Variants in GRIN2A observed in about 807,000 individuals in gnomAD.
GRIN2A encodes glutamate ionotropic receptor NMDA type subunit 2A.
In GRIN2A, 22 loss-of-function variants were observed where a neutral mutation model predicts 113.4. The ratio of observed to expected loss-of-function variants is 0.19; its 90% CI spans 0.14 to 0.28. The LOEUF is 0.28. GRIN2A is among the 10% of genes least tolerant of loss of function. The pLI is 1.00. For missense variants in GRIN2A, 1,502 were observed against 1,887.0 expected, an observed-to-expected ratio of 0.80 and a Z score of 3.78; for synonymous variants, 827 against 738.4, an observed-to-expected ratio of 1.12 and a Z score of -1.94.
At chr16:9,854,352 G>A (rs1037218821) in intron 4 of GRIN2A, among the ~76,000 whole-genome samples, 6 of 151,548 alleles carry the variant, frequency 4.0e-5, no homozygotes, top group Admixed American at 1.3e-4. Context: ...AATTTCCCCA[G>A]AGAAAGCAAA....
chr16:9,779,940 A>G (rs546320763), intron 11 of GRIN2A, among the ~76,000 whole-genome samples: 2 of 152,332 alleles, frequency 1.3e-5, no homozygotes, highest in South Asian at 4.1e-4. Flanking sequence ...CCCCCATTGT[A>G]CTGACATTAA....
intron 11 of GRIN2A, among the ~76,000 whole-genome samples, chr16:9,796,882 T>G (rs1167581208): frequency 2.0e-5 from 3 of 152,196 alleles, no homozygotes; most frequent in African/African-American, 4.8e-5. Flanking sequence ...CCACAAATCA[T>G]TATTACACAG....
chr16:10,105,333 C>G (rs1244969018), intron 2 of GRIN2A, among the ~76,000 whole-genome samples: 2 of 152,180 alleles, frequency 1.3e-5, no homozygotes, highest in Non-Finnish European at 1.5e-5. Context: ...CTGTGTCTTT[C>G]TGCAGACACA....
At chr16:9,887,451 G>A (rs2043607092) in intron 4 of GRIN2A, among the ~76,000 whole-genome samples, 2 of 152,176 alleles carry the variant, frequency 1.3e-5, no homozygotes, top group South Asian at 2.1e-4. Context: ...ATGTCTTCAC[G>A]TAATATAATC....
At chr16:10,000,010 G>A (rs2046293300) in intron 2 of GRIN2A, among the ~76,000 whole-genome samples, 1 of 152,054 alleles carries the variant, frequency 6.6e-6, no homozygotes, top group Admixed American at 6.6e-5. Flanking sequence ...GGGAGTTCCT[G>A]CATTCCTCCC....
At chr16:10,034,594 G>C (rs998915055) in intron 2 of GRIN2A, among the ~76,000 whole-genome samples, 5 of 140,438 alleles carry the variant, frequency 3.6e-5, no homozygotes, top group Non-Finnish European at 6.1e-5. Flanking sequence ...GCCACACTTT[G>C]AGAAGGATGT....
At chr16:10,015,290 G>GAA (rs1567235202) in intron 2 of GRIN2A, among the ~76,000 whole-genome samples, 7 of 81,394 alleles carry the variant, frequency 8.6e-5, no homozygotes, top group African/African-American at 1.4e-4. Context: ...AAAAGAAAAA[G>GAA]AAAGGAAAGG....
Position 10,132,598 on chromosome 16 carries a change from G to A in GRIN2A, c.414+47400C>T, listed in dbSNP as rs184677566. Among the ~76,000 whole-genome samples the A allele has an allele frequency of 3.9e-5, 6 of 152,174 alleles. No individual in the cohort carries two copies. In the East Asian group the frequency reaches 7.7e-4, roughly 20 times the overall value. On this transcript the variant is annotated intron_variant, in intron 2 of 12. Transcript: ENST00000330684. Reference sequence around the variant, plus strand: ...TAGTCCATAGGCATTGGAATCATTCGGGCATGGGGTTAAATCCCAGAGCCA... The same window carrying A: ...TAGTCCATAGGCATTGGAATCATTCAGGCATGGGGTTAAATCCCAGAGCCA...
At chr16:9,936,761 G>C (rs893802709) in intron 3 of GRIN2A, among the ~76,000 whole-genome samples, 1 of 152,130 alleles carries the variant, frequency 6.6e-6, no homozygotes, top group South Asian at 2.1e-4. Flanking sequence ...AAAATACTTA[G>C]AATATAAGAA....
At chr16:10,181,093 T>G (rs1320049992) in intron 1 of GRIN2A, among the ~76,000 whole-genome samples, 1 of 150,536 alleles carries the variant, frequency 6.6e-6, no homozygotes, top group Non-Finnish European at 1.5e-5. Flanking sequence ...CGCTGCCTGG[T>G]GGGCCCAGGC....
At chr16:10,176,036 A>G (rs1358673950) in intron 2 of GRIN2A, among the ~76,000 whole-genome samples, 2 of 130,858 alleles carry the variant, frequency 1.5e-5, no homozygotes, top group Non-Finnish European at 3.1e-5. Context: ...ACAAAGTCTC[A>G]CTCTGTCACC....
At chr16:9,832,258 C>T (rs1010348688) in intron 8 of GRIN2A, among the ~76,000 whole-genome samples, 1 of 152,004 alleles carries the variant, frequency 6.6e-6, no homozygotes, top group Non-Finnish European at 1.5e-5. Flanking sequence ...ACCCCCTCAG[C>T]CTTTTTCTGT....
intron 2 of GRIN2A, among the ~76,000 whole-genome samples, chr16:10,120,024 A>C (rs1210318640): frequency 6.6e-6 from 1 of 152,150 alleles, no homozygotes; most frequent in Non-Finnish European, 1.5e-5. Context: ...TGCTATTGTG[A>C]ATAGGGCTGC....
intron 2 of GRIN2A, chr16:9,943,175 T>C (rs1027516813): frequency 6.6e-5 from 10 of 152,238 alleles, no homozygotes; most frequent in African/African-American, 2.4e-4. Context: ...ATTCTACATA[T>C]CAGCCTCTGA....
At chr16:9,918,426 C>T (rs1022965908) in intron 3 of GRIN2A, among the ~76,000 whole-genome samples, 2 of 152,070 alleles carry the variant, frequency 1.3e-5, no homozygotes, top group African/African-American at 4.8e-5. Context: ...TAAAATAGAA[C>T]AATTATAACA....
chr16:10,131,192 T>C (rs1000725829), intron 2 of GRIN2A, among the ~76,000 whole-genome samples: 1 of 152,102 alleles, frequency 6.6e-6, no homozygotes, highest in Admixed American at 6.6e-5. Context: ...CTGTGGGTGA[T>C]CGATAAATAT....
At chr16:10,012,342 C>A (rs1001284879) in intron 2 of GRIN2A, among the ~76,000 whole-genome samples, 1 of 152,138 alleles carries the variant, frequency 6.6e-6, no homozygotes, top group African/African-American at 2.4e-5. Context: ...ATCTCCAGCC[C>A]CTCAAAGGGT....
chr16:9,805,003 C>T (rs563285284), intron 10 of GRIN2A, among the ~76,000 whole-genome samples: 6 of 152,174 alleles, frequency 3.9e-5, no homozygotes, highest in African/African-American at 1.4e-4. Flanking sequence ...TGACAGCTCT[C>T]AAGAGCTGCT....
chr16:10,132,201 G>A (rs964465275), intron 2 of GRIN2A, among the ~76,000 whole-genome samples: 24 of 152,066 alleles, frequency 1.6e-4, no homozygotes, highest in Non-Finnish European at 8.8e-5. Context: ...GCGTGGTGGT[G>A]CATGCCTGTA....
Sources: allele counts gnomAD v4.1 joint callset (sites outside exome capture counted in the v4.1 genomes callset), GRCh38; gene constraint gnomAD v4.1.1; transcripts MANE v1.5; gene names NCBI Gene and HGNC (gene_info 2026-07-23, HGNC 2026-07-21).